Variants in ALDH1A2 observed in about 807,000 individuals in gnomAD.
ALDH1A2 encodes the protein aldehyde dehydrogenase 1 family member A2.
A neutral mutation model predicts 60.3 loss-of-function variants in ALDH1A2; 27 were observed. That is an observed-to-expected ratio of 0.45 (90% CI 0.33 to 0.62). The LOEUF is 0.62. Ranked by LOEUF, ALDH1A2 falls within the 20% of genes least tolerant of loss-of-function variation. ALDH1A2 has a pLI of 0.02. For missense variants in ALDH1A2, 581 were observed against 643.8 expected (o/e 0.90, Z 1.06); for synonymous variants, 289 against 232.4 (o/e 1.24, Z -2.21).
chr15:58,003,874 C>T (rs185556593), intron 4 of ALDH1A2, among the ~76,000 whole-genome samples: 50 of 151,966 alleles, frequency 3.3e-4, no homozygotes, highest in Non-Finnish European at 5.6e-4. Context: ...GCACTGCCAT[C>T]GTAAAAGGGT....
intron 7 of ALDH1A2, among the ~76,000 whole-genome samples, chr15:57,971,487 A>G (rs937115033): frequency 3.3e-5 from 5 of 152,212 alleles, no homozygotes; most frequent in Non-Finnish European, 7.3e-5. Flanking sequence ...CTGTAGTAGT[A>G]TGATTATGGC....
intron 4 of ALDH1A2, among the ~76,000 whole-genome samples, chr15:58,004,688 A>G (rs1895388936): frequency 9.5e-6 from 1 of 105,316 alleles, no homozygotes; most frequent in Non-Finnish European, 2.1e-5. Context: ...GTAGTATCCC[A>G]TGATTTGTGT....
At chr15:57,968,761 T>C (rs1241443636) in intron 7 of ALDH1A2, among the ~76,000 whole-genome samples, 2 of 152,234 alleles carry the variant, frequency 1.3e-5, no homozygotes, top group African/African-American at 4.8e-5. Context: ...CCAGCTGGCA[T>C]TACATTTCTG....
chr15:57,999,636 A>G (rs1424178699), intron 4 of ALDH1A2, among the ~76,000 whole-genome samples: 1 of 152,104 alleles, frequency 6.6e-6, no homozygotes, highest in African/African-American at 2.4e-5. Flanking sequence ...TAGTTCAACC[A>G]TTGTGGAAGA....
chr15:58,045,768 C>T (rs1477316601), intron 1 of ALDH1A2, among the ~76,000 whole-genome samples: 1 of 151,646 alleles, frequency 6.6e-6, no homozygotes, highest in East Asian at 1.9e-4. Context: ...AAGTATGGTA[C>T]GTGTATACCT....
rs552594317 is a variant in ALDH1A2 at position 57,994,244 on chromosome 15, G to A, written c.555+834C>T. On this transcript the variant is annotated intron_variant, in intron 5 of 12. Transcript: ENST00000249750. The stretch of plus-strand genomic sequence containing the variant: ...AAATCAAACCTCTCATTTTCCCTTG[G>A]CATTCTCTAATAAATTTCACAGTAA... Among the ~76,000 whole-genome samples the A allele has an allele frequency of 6.6e-5, 10 of 152,172 alleles. No homozygotes were observed. In the East Asian group the frequency reaches 1.9e-3, roughly 29 times the overall value.
intron 5 of ALDH1A2, among the ~76,000 whole-genome samples, chr15:57,994,326 C>T (rs2140492948): frequency 6.6e-6 from 1 of 152,268 alleles, no homozygotes; most frequent in South Asian, 2.1e-4. Flanking sequence ...TCTTTGGTTC[C>T]CAATGCCAAA....
intron 1 of ALDH1A2, among the ~76,000 whole-genome samples, chr15:58,060,643 G>T (rs551871303): frequency 6.6e-6 from 1 of 152,046 alleles, no homozygotes; most frequent in East Asian, 1.9e-4. Context: ...GGAAGGGCAT[G>T]CAAGTTTTTT....
chr15:57,967,127 G>A (rs1321573844), intron 7 of ALDH1A2, among the ~76,000 whole-genome samples: 4 of 151,374 alleles, frequency 2.6e-5, no homozygotes, highest in Non-Finnish European at 5.9e-5. Context: ...AGGCAGCGGA[G>A]AACCCCAGCT....
At chr15:58,056,272 C>CTATTTTCCCA (rs1401404522) in intron 1 of ALDH1A2, among the ~76,000 whole-genome samples, 23 of 152,032 alleles carry the variant, frequency 1.5e-4, no homozygotes, top group Non-Finnish European at 2.9e-4. Context: ...GTAGTTTCTC[C>CTATTTTCCCA]TATTTTCCCA....
intron 7 of ALDH1A2, among the ~76,000 whole-genome samples, chr15:57,972,644 C>A (rs1894109279): frequency 6.6e-6 from 1 of 152,032 alleles, no homozygotes; most frequent in Non-Finnish European, 1.5e-5. Context: ...GAGACTATAC[C>A]ATACTTATTC....
chr15:58,019,263 AAG>A (rs1895861401), intron 1 of ALDH1A2, among the ~76,000 whole-genome samples: 1 of 152,228 alleles, frequency 6.6e-6, no homozygotes, highest in South Asian at 2.1e-4. Flanking sequence ...ACATCTTCAC[AAG>A]AGTTTCTTTA....
At chr15:58,013,448 T>A (rs1425011661) in intron 3 of ALDH1A2, among the ~76,000 whole-genome samples, 1 of 152,194 alleles carries the variant, frequency 6.6e-6, no homozygotes, top group African/African-American at 2.4e-5. Flanking sequence ...TTTCTCCTTC[T>A]CCATCTGATC....
chr15:58,059,284 T>G lies in ALDH1A2; in HGVS notation c.117+6250A>C, dbSNP rs189747269. Reference sequence around the variant, plus strand: ...GATTTGCTGTTTGGGGGGAAATGAATGGCTTTGAAATTACCTGTCACAGTC... The same window carrying G: ...GATTTGCTGTTTGGGGGGAAATGAAGGGCTTTGAAATTACCTGTCACAGTC... On this transcript the variant is annotated intron_variant, in intron 1 of 12. Transcript: ENST00000249750. Among the ~76,000 whole-genome samples, 257 of 152,320 alleles carry G rather than the reference T, an allele frequency of 1.7e-3. 1 individual carries two copies. Among genetic ancestry groups the G allele is most frequent in the South Asian group, 0.011 (53 of 4,828 alleles).
intron 1 of ALDH1A2, among the ~76,000 whole-genome samples, chr15:58,062,998 C>T (rs553614285): frequency 6.6e-6 from 1 of 152,280 alleles, no homozygotes; most frequent in South Asian, 2.1e-4. Flanking sequence ...CTGGTCATCT[C>T]CCCCATTCCC....
chr15:57,985,909 A>G (rs1471791853), intron 7 of ALDH1A2, among the ~76,000 whole-genome samples: 6 of 152,232 alleles, frequency 3.9e-5, no homozygotes, highest in Non-Finnish European at 5.9e-5. Context: ...TAAATATTCA[A>G]TATTAATTAA....
chr15:58,004,434 C>T (rs1220732330), intron 4 of ALDH1A2, among the ~76,000 whole-genome samples: 2 of 151,714 alleles, frequency 1.3e-5, no homozygotes, highest in Non-Finnish European at 2.9e-5. Flanking sequence ...GAATAGTCAA[C>T]GTGGTACCCA....
intron 12 of ALDH1A2, among the ~76,000 whole-genome samples, chr15:57,959,458 ACAC>A (rs2140446937): frequency 6.6e-6 from 1 of 152,344 alleles, no homozygotes; most frequent in South Asian, 2.1e-4. Flanking sequence ...GAAGTTGGTG[ACAC>A]CAGCTGGAAT....
chr15:58,019,895 C>T (rs899861981), intron 1 of ALDH1A2, among the ~76,000 whole-genome samples: 1 of 152,058 alleles, frequency 6.6e-6, no homozygotes, highest in Non-Finnish European at 1.5e-5. Flanking sequence ...AAACATGTGC[C>T]ACGGTGGTTT....
Sources: gnomAD v4.1 joint callset for allele counts (sites outside exome capture counted in the v4.1 genomes callset) on GRCh38, gnomAD v4.1.1 for gene constraint, MANE v1.5 for transcripts, NCBI Gene and HGNC (gene_info 2026-07-23, HGNC 2026-07-21) for gene names.